Variants in VPS53 observed in about 807,000 individuals in gnomAD.
The protein encoded by VPS53 is VPS53 subunit of GARP complex, also known as vacuolar protein sorting-associated protein 53 homolog.
A neutral mutation model predicts 107.0 loss-of-function variants in VPS53; 70 were observed. That is an observed-to-expected ratio of 0.65 (90% CI 0.54 to 0.80). The LOEUF is 0.80. Among genes scored for constraint, VPS53 ranks in the 30% least tolerant of loss-of-function variants. The probability of loss-of-function intolerance (pLI) is 0.00; values close to 1 mark genes in which losing one functional copy is unlikely to be tolerated. For synonymous variants in VPS53, 409 were observed against 393.3 expected (o/e 1.04, Z -0.47); for missense variants, 917 against 1,049.4 (o/e 0.87, Z 1.74).
At chr17:549,217 T>C (rs950122086) in intron 17 of VPS53, among the ~76,000 whole-genome samples, 2 of 152,230 alleles carry the variant, frequency 1.3e-5, no homozygotes, top group African/African-American at 2.4e-5. Context: ...CAAAAGTTTT[T>C]TTAAATCCTA....
At chr17:623,444 A>G in intron 11 of VPS53, 89 bp downstream of exon 11, 17 of 1,475,544 alleles carry the variant, frequency 1.2e-5, no homozygotes, top group Non-Finnish European at 1.6e-5. Context: ...CACCGAAGCC[A>G]ATGGATAGAG....
chr17:555,868 T>C (rs1912299811), intron 15 of VPS53, among the ~76,000 whole-genome samples: 1 of 152,152 alleles, frequency 6.6e-6, no homozygotes, highest in Non-Finnish European at 1.5e-5. Flanking sequence ...TTAATACTCG[T>C]GGGTGCAATC....
intron 6 of VPS53, among the ~76,000 whole-genome samples, chr17:654,938 T>C (rs1415333971): frequency 2.6e-5 from 4 of 152,156 alleles, no homozygotes; most frequent in Admixed American, 6.5e-5. Flanking sequence ...CTCTGGCCGC[T>C]GCTCTCACTG....
At chr17:628,305 C>T (rs1245671258) in intron 8 of VPS53, 74 bp from the exon 9 acceptor site, 14 of 1,538,812 alleles carry the variant, frequency 9.1e-6, no homozygotes, top group Non-Finnish European at 1.1e-5. Flanking sequence ...ACAGCCACTA[C>T]TTGTTATCTC....
At chr17:529,254 C>A (rs991182605) in intron 19 of VPS53, among the ~76,000 whole-genome samples, 22 of 152,190 alleles carry the variant, frequency 1.4e-4, no homozygotes, top group African/African-American at 5.3e-4. Context: ...CAGTGCCACA[C>A]TGCTCTAATT....
At chr17:527,808 C>T (rs573920321) in intron 19 of VPS53, among the ~76,000 whole-genome samples, 4 of 152,272 alleles carry the variant, frequency 2.6e-5, no homozygotes, top group East Asian at 1.9e-4. Flanking sequence ...GATGGGGTCT[C>T]GCTGTGTTGC....
At chr17:611,152 T>G (rs542829256) in intron 11 of VPS53, among the ~76,000 whole-genome samples, 1 of 152,176 alleles carries the variant, frequency 6.6e-6, no homozygotes, top group South Asian at 2.1e-4. Context: ...TAGCTGGGAT[T>G]ATAGGCACCC....
At chr17:675,997 C>T (rs923653491) in intron 4 of VPS53, among the ~76,000 whole-genome samples, 1 of 152,040 alleles carries the variant, frequency 6.6e-6, no homozygotes, top group Admixed American at 6.6e-5. Context: ...CAATAATATA[C>T]GGAGGACGAC....
intron 13 of VPS53, among the ~76,000 whole-genome samples, chr17:576,087 A>G (rs1914582829): frequency 6.7e-6 from 1 of 150,176 alleles, no homozygotes; most frequent in Non-Finnish European, 1.5e-5. Flanking sequence ...TGAGTTCCGA[A>G]AAACCACCCC....
chr17:519,996 G>T lies in VPS53; in HGVS notation c.2224-66C>A. ...TACCACCACGGGAGGAGACAGGAGC[G>T]GGCCCTCAAGAAAACTCACTACCCA... On this transcript the variant is annotated intron_variant, in intron 20 of 21. Transcript: ENST00000437048. This position sits in a 1 kb window ranked among gnomAD's most constrained non-coding sequence, Gnocchi z 5.0. 8.4e-7 allele frequency: 1 copy of T among 1,195,300 alleles called. No homozygotes were observed. Among genetic ancestry groups the T allele is most frequent in the Non-Finnish European group, 1.2e-6 (1 of 827,366 alleles). The allele number at this position is 1,195,300 out of a possible 1,614,324, so 74.0% of individuals were successfully genotyped here. A position where few individuals can be genotyped will look rare whatever the true frequency, so the allele number is the denominator to read the frequency against.
intron 4 of VPS53, among the ~76,000 whole-genome samples, chr17:673,397 G>A (rs1972041634): frequency 6.6e-6 from 1 of 152,228 alleles, no homozygotes; most frequent in African/African-American, 2.4e-5. Flanking sequence ...GCCAGCCTCA[G>A]CAATGCTAAC....
rs377433960 is a variant in VPS53 at position 519,230 on chromosome 17, C to A, written c.2397G>T (p.Ser799=). The A allele has an allele frequency of 4.0e-5, 62 of 1,548,692 alleles. No homozygotes were observed. The highest frequency in any genetic ancestry group is 5.4e-5 in the Non-Finnish European group (62 of 1,145,990). The change falls in exon 22 of 22, where the codon TCG becomes TCT. Residue 799 remains serine (S), a synonymous_variant. Coordinates refer to ENST00000437048, the MANE Select transcript of VPS53 (RefSeq NM_001128159.3). The surrounding 1 kb of genome is among the most constrained non-coding windows in gnomAD (Gnocchi z 5.0). ...LLRQRLPAPP[S]GAESSGSLSL... ...ACAGTGAGCCGGAGCTTTCTGCCCC[C>A]GAGGGCGGTGCGGGGAGCCGCTGGC...
chr17:532,869 C>T lies in VPS53; in HGVS notation c.2058G>A (p.Lys686=). 1 of 1,614,114 alleles carries T rather than the reference C, an allele frequency of 6.2e-7. No homozygotes were observed. The change falls in exon 19 of 22, where the codon AAG becomes AAA. Residue 686 remains lysine (K), a synonymous_variant. Transcript: ENST00000437048. ...GTTCTGCTCCCACCATGCTAATTGG[C>T]TTGCACTTGAAGAGGTGGGTGATGA... is the stretch of plus-strand genomic sequence containing the variant. ...PKFITHLFKC[K]PISMVGAEQL...
intron 4 of VPS53, among the ~76,000 whole-genome samples, chr17:685,701 G>A (rs1413700571): frequency 6.6e-6 from 1 of 152,094 alleles, no homozygotes; most frequent in Non-Finnish European, 1.5e-5. Context: ...GCATGTGTAT[G>A]ATTGAGAAAA....
At chr17:576,405 A>C (rs1160059657) in intron 13 of VPS53, among the ~76,000 whole-genome samples, 2 of 151,672 alleles carry the variant, frequency 1.3e-5, no homozygotes, top group African/African-American at 4.8e-5. Flanking sequence ...ATGCATTGCC[A>C]GAGAACCTCC....
intron 4 of VPS53, among the ~76,000 whole-genome samples, chr17:690,484 C>T (rs1260907467): frequency 1.3e-5 from 2 of 152,212 alleles, no homozygotes; most frequent in East Asian, 1.9e-4. Flanking sequence ...TCCAGGTCTG[C>T]GTTCAGACGT....
At chr17:653,967 G>T (rs919132806) in intron 6 of VPS53, among the ~76,000 whole-genome samples, 1 of 152,162 alleles carries the variant, frequency 6.6e-6, no homozygotes, top group East Asian at 1.9e-4. Flanking sequence ...AGGCCGAGGC[G>T]GGCAGATCAC....
intron 6 of VPS53, among the ~76,000 whole-genome samples, chr17:655,225 T>C (rs773099834): frequency 2.9e-4 from 44 of 152,162 alleles, no homozygotes; most frequent in Non-Finnish European, 4.6e-4. Flanking sequence ...TTTAGATTGC[T>C]CCTTTGTAGT....
At chr17:678,382 A>G (rs1972248144) in intron 4 of VPS53, among the ~76,000 whole-genome samples, 1 of 152,094 alleles carries the variant, frequency 6.6e-6, no homozygotes, top group African/African-American at 2.4e-5. Flanking sequence ...AGATCAAGCC[A>G]CTGCACTCCA....
Sources: allele counts gnomAD v4.1 joint callset (sites outside exome capture counted in the v4.1 genomes callset), GRCh38; gene constraint gnomAD v4.1.1; non-coding constraint Gnocchi (gnomAD v3.1); transcripts MANE v1.5; gene names NCBI Gene and HGNC (gene_info 2026-07-23, HGNC 2026-07-21).